The following ANO4 variants were observed in gnomAD, a reference collection of about 807,000 sequenced individuals.
The protein encoded by ANO4 is anoctamin 4, also known as anoctamin-4.
A neutral mutation model predicts 141.9 loss-of-function variants in ANO4; 69 were observed. The ratio of observed to expected loss-of-function variants is 0.49; its 90% CI spans 0.40 to 0.59. The LOEUF (loss-of-function observed/expected upper bound fraction) is 0.59, where lower values mean the gene tolerates loss of function less well. ANO4 is among the 20% of genes least tolerant of loss of function. The pLI is 0.00. For synonymous variants in ANO4, 350 were observed against 394.3 expected, an observed-to-expected ratio of 0.89 and a Z score of 1.33; for missense variants, 894 against 1,162.2, an observed-to-expected ratio of 0.77 and a Z score of 3.36.
intron 23 of ANO4, 35 bp from the exon 24 acceptor site, chr12:101,111,528 T>C (rs192776504): frequency 2.3e-5 from 35 of 1,511,936 alleles, no homozygotes; most frequent in Admixed American, 6.5e-5. Flanking sequence ...CTCTGTTTTG[T>C]GTATGGAACT....
chr12:101,059,279 G>A (rs1439187690), intron 14 of ANO4, among the ~76,000 whole-genome samples: 2 of 152,172 alleles, frequency 1.3e-5, no homozygotes, highest in Non-Finnish European at 2.9e-5. Flanking sequence ...TTTCATTGAG[G>A]ATTTTCGCAT....
At chr12:100,939,705 A>T (rs1025887779) in intron 4 of ANO4, among the ~76,000 whole-genome samples, 1 of 152,210 alleles carries the variant, frequency 6.6e-6, no homozygotes, top group African/African-American at 2.4e-5. Flanking sequence ...TCATTTTAAG[A>T]TAGCCTACAT....
rs149151873 is a variant in ANO4 at position 101,103,520 on chromosome 12, G to A, written c.2149+3800G>A. 5.2e-3 allele frequency among the ~76,000 whole-genome samples: 786 copies of A among 151,640 alleles called. 1 individual carries two copies. Among genetic ancestry groups the A allele is most frequent in the Non-Finnish European group, 8.8e-3 (598 of 67,742 alleles). ...TGATTTTTTAAAAAATTTTACTAAT[G>A]TGGTGGATTTCATTGATTATTTTTT... On this transcript the variant is annotated intron_variant, in intron 22 of 27. Transcript: ENST00000392977.
intron 8 of ANO4, among the ~76,000 whole-genome samples, chr12:100,994,834 G>A (rs1288534036): frequency 6.6e-6 from 1 of 152,188 alleles, no homozygotes; most frequent in African/African-American, 2.4e-5. Flanking sequence ...GTAGCTGGGT[G>A]TAACTGGTAA....
chr12:100,894,625 C>T (rs2040255972), intron 1 of ANO4, among the ~76,000 whole-genome samples: 2 of 152,076 alleles, frequency 1.3e-5, no homozygotes, highest in South Asian at 2.1e-4. Context: ...GCTTTTTCCT[C>T]CCTTGGATGT....
At chr12:100,881,508 A>G (rs1448000322) in intron 1 of ANO4, among the ~76,000 whole-genome samples, 2 of 151,666 alleles carry the variant, frequency 1.3e-5, no homozygotes, top group Admixed American at 1.3e-4. Context: ...GCCATAATGT[A>G]ACAGGATTTT....
At chr12:100,847,475 A>ATTTTTT (rs59985012) in intron 1 of ANO4, among the ~76,000 whole-genome samples, 14,267 of 136,760 alleles carry the variant, frequency 0.1, 1,143 homozygotes, top group Non-Finnish European at 0.15. Context: ...GGCCAAGATA[A>ATTTTTT]TTTTTTTTTT....
intron 2 of ANO4, among the ~76,000 whole-genome samples, chr12:100,737,890 A>G (rs190153879): frequency 6.6e-6 from 1 of 152,188 alleles, no homozygotes; most frequent in Admixed American, 6.5e-5. Context: ...CATTTAGGAA[A>G]ATAGCATATG....
intron 3 of ANO4, among the ~76,000 whole-genome samples, chr12:100,758,352 A>G (rs1435414392): frequency 2.0e-5 from 3 of 152,192 alleles, no homozygotes; most frequent in African/African-American, 4.8e-5. Flanking sequence ...TCTGTACCAG[A>G]TGACACTCCA....
chr12:100,857,734 TGAAA>T (rs2038255029), intron 1 of ANO4, among the ~76,000 whole-genome samples: 1 of 152,018 alleles, frequency 6.6e-6, no homozygotes, highest in South Asian at 2.1e-4. Context: ...GGATGTGGGA[TGAAA>T]GAAAGAAATT....
At chr12:100,899,935 G>A (rs2040512636) in intron 1 of ANO4, among the ~76,000 whole-genome samples, 1 of 152,060 alleles carries the variant, frequency 6.6e-6, no homozygotes, top group Non-Finnish European at 1.5e-5. Flanking sequence ...AACTTGCCTA[G>A]AAATACCTGG....
intron 1 of ANO4, among the ~76,000 whole-genome samples, chr12:100,843,832 A>C (rs901476057): frequency 6.6e-6 from 1 of 152,186 alleles, no homozygotes; most frequent in Admixed American, 6.5e-5. Flanking sequence ...GAAATATACA[A>C]TGAGTTGTTC....
intron 9 of ANO4, among the ~76,000 whole-genome samples, chr12:101,026,760 T>A (rs919999898): frequency 6.6e-6 from 1 of 152,126 alleles, no homozygotes; most frequent in Admixed American, 6.5e-5. Flanking sequence ...TAGTTCAAAG[T>A]GTAAAATTTA....
intron 1 of ANO4, among the ~76,000 whole-genome samples, chr12:100,864,493 T>C (rs1024402453): frequency 3.3e-5 from 5 of 152,178 alleles, no homozygotes; most frequent in Non-Finnish European, 7.4e-5. Flanking sequence ...TACATAGATA[T>C]GAAGTTCTCA....
chr12:101,124,215 T>C (rs2051213780), intron 26 of ANO4, among the ~76,000 whole-genome samples: 1 of 152,162 alleles, frequency 6.6e-6, no homozygotes, highest in African/African-American at 2.4e-5. Flanking sequence ...TCTTTAATTA[T>C]CAATAATGTT....
chr12:101,079,823 A>C (rs1240583289), intron 15 of ANO4, among the ~76,000 whole-genome samples: 1 of 125,136 alleles, frequency 8.0e-6, no homozygotes, highest in Non-Finnish European at 1.7e-5. Flanking sequence ...AAGGAGGGCC[A>C]GACTCAGCCC....
intron 1 of ANO4, among the ~76,000 whole-genome samples, chr12:100,845,384 G>T (rs866922239): frequency 2.0e-5 from 3 of 152,048 alleles, no homozygotes; most frequent in Non-Finnish European, 4.4e-5. Flanking sequence ...GGGTTTAAAG[G>T]GTAGGAATGG....
At chr12:100,894,734 A>T (rs1398849823) in intron 1 of ANO4, among the ~76,000 whole-genome samples, 5 of 152,060 alleles carry the variant, frequency 3.3e-5, no homozygotes, top group Admixed American at 6.5e-5. Context: ...TGGGAGGCCG[A>T]GGCGGGCGGA....
chr12:100,822,098 C>T (rs2036087037), intron 1 of ANO4, among the ~76,000 whole-genome samples: 1 of 151,922 alleles, frequency 6.6e-6, no homozygotes, highest in Non-Finnish European at 1.5e-5. Flanking sequence ...TTGGACAGAA[C>T]AGAACAAATT....
Sources: gnomAD v4.1 joint callset for allele counts (sites outside exome capture counted in the v4.1 genomes callset) on GRCh38, gnomAD v4.1.1 for gene constraint, MANE v1.5 for transcripts, NCBI Gene and HGNC (gene_info 2026-07-23, HGNC 2026-07-21) for gene names.